Variants in KALRN observed in about 807,000 individuals in gnomAD.
KALRN encodes kalirin RhoGEF kinase.
Under a neutral mutation model 353.7 loss-of-function variants are expected in KALRN, and 70 were observed. The ratio of observed to expected loss-of-function variants is 0.20; its 90% CI spans 0.16 to 0.24. The LOEUF (loss-of-function observed/expected upper bound fraction) is 0.24. Among genes scored for constraint, KALRN ranks in the 10% least tolerant of loss-of-function variants. The probability of loss-of-function intolerance (pLI) is 1.00; values close to 1 mark genes in which losing one functional copy is unlikely to be tolerated. For missense variants in KALRN, 2,791 were observed against 3,756.7 expected, an observed-to-expected ratio of 0.74 and a Z score of 6.72; for synonymous variants, 1,391 against 1,434.8, an observed-to-expected ratio of 0.97 and a Z score of 0.69.
At chr3:124,674,210 A>G in intron 48 of KALRN, 154 bp from the exon 49 acceptor site, 1 of 642,868 alleles carries the variant, frequency 1.6e-6, no homozygotes, top group South Asian at 2.5e-5. Flanking sequence ...GAGCATGTTT[A>G]TTAATATCAT....
chr3:124,642,908 C>T (rs1395454044), intron 37 of KALRN, among the ~76,000 whole-genome samples: 1 of 150,232 alleles, frequency 6.7e-6, no homozygotes, highest in Non-Finnish European at 1.5e-5. Context: ...CCTCCGCCTC[C>T]CGGGTTCAAG....
intron 11 of KALRN, among the ~76,000 whole-genome samples, chr3:124,391,718 T>G (rs2089417411): frequency 1.3e-5 from 2 of 152,350 alleles, no homozygotes; most frequent in Middle Eastern, 3.4e-3. Context: ...GTGCTAAATC[T>G]CAGAGGTGCT....
At chr3:124,504,031 A>G (rs750215679) in intron 33 of KALRN, among the ~76,000 whole-genome samples, 23 of 152,224 alleles carry the variant, frequency 1.5e-4, no homozygotes, top group Non-Finnish European at 2.9e-4. Context: ...TGCTGAACAC[A>G]CGCAGCTTGC....
At chr3:124,109,843 A>G (rs11709583) in intron 1 of KALRN, among the ~76,000 whole-genome samples, 2 of 2,660 alleles carry the variant, frequency 7.5e-4, no homozygotes, top group Non-Finnish European at 8.7e-4. Context: ...TGACATATAT[A>G]TCATACTTTG....
chr3:124,330,246 T>TCACACACACACACACACACA (rs774251256), intron 8 of KALRN, among the ~76,000 whole-genome samples: 2 of 134,306 alleles, frequency 1.5e-5, no homozygotes, highest in Non-Finnish European at 3.2e-5. Context: ...TCTCTCTCTC[T>TCACACACACACACACACACA]CACACACACA....
chr3:124,078,796 G>C (rs1241327594), intron 1 of KALRN, among the ~76,000 whole-genome samples: 1 of 152,162 alleles, frequency 6.6e-6, no homozygotes, highest in Admixed American at 6.5e-5. Flanking sequence ...CTTAGTACTA[G>C]GTTTTCTGAA....
intron 1 of KALRN, among the ~76,000 whole-genome samples, chr3:124,053,031 T>C (rs1256196370): frequency 6.6e-6 from 1 of 152,154 alleles, no homozygotes; most frequent in Non-Finnish European, 1.5e-5. Flanking sequence ...TTTTATATTC[T>C]AGGATTTGGA....
At chr3:124,204,822 G>A (rs541031783) in intron 1 of KALRN, among the ~76,000 whole-genome samples, 35 of 152,128 alleles carry the variant, frequency 2.3e-4, no homozygotes, top group African/African-American at 4.3e-4. Context: ...GCTGTCCTCC[G>A]CACTGCTCCA....
At chr3:124,669,856 G>A (rs1188352406) in intron 47 of KALRN, among the ~76,000 whole-genome samples, 2 of 151,752 alleles carry the variant, frequency 1.3e-5, no homozygotes, top group African/African-American at 4.9e-5. Context: ...TAATGTACAT[G>A]CTATGTAAAT....
At chr3:124,509,478 G>A (rs1167363669) in intron 33 of KALRN, among the ~76,000 whole-genome samples, 1 of 152,190 alleles carries the variant, frequency 6.6e-6, no homozygotes, top group Non-Finnish European at 1.5e-5. Flanking sequence ...AAAGTGCTGG[G>A]ATTACAGGCA....
At chr3:124,466,828 C>T (rs1157781176) in intron 25 of KALRN, among the ~76,000 whole-genome samples, 2 of 152,170 alleles carry the variant, frequency 1.3e-5, no homozygotes, top group South Asian at 2.1e-4. Flanking sequence ...CTCCCTAGAC[C>T]ACCAATGGTG....
intron 1 of KALRN, among the ~76,000 whole-genome samples, chr3:124,118,352 TGAAG>T (rs2063651328): frequency 6.6e-6 from 1 of 152,114 alleles, no homozygotes; most frequent in African/African-American, 2.4e-5. Flanking sequence ...ATACTCCCTG[TGAAG>T]TAAACAGGGA....
rs150475873 is a variant in KALRN, at chr3:124,171,692, A to G, written c.74-56298A>G. Among the ~76,000 whole-genome samples the G allele has an allele frequency of 5.0e-3, 757 of 152,306 alleles. 1 individual carries two copies. The highest frequency in any genetic ancestry group is 0.024 in the Middle Eastern group (7 of 294). On this transcript the variant is annotated intron_variant, in intron 1 of 59. Transcript: ENST00000682506. ...GAAGGACTTGATTTGGCTATCTTAT[A>G]AACAACCTACCACAGAAGGACTTCT...
intron 17 of KALRN, among the ~76,000 whole-genome samples, chr3:124,437,102 T>C (rs2093492216): frequency 6.6e-6 from 1 of 151,440 alleles, no homozygotes; most frequent in African/African-American, 2.4e-5. Flanking sequence ...ACCTCAAGAT[T>C]GGTGACAGAT....
At chr3:124,625,809 G>A (rs1336437455) in intron 34 of KALRN, among the ~76,000 whole-genome samples, 2 of 152,158 alleles carry the variant, frequency 1.3e-5, no homozygotes, top group African/African-American at 2.4e-5. Context: ...GGCTGGGCAC[G>A]GTGGCTCACA....
At chr3:124,388,537 A>C (rs1056758198) in intron 11 of KALRN, among the ~76,000 whole-genome samples, 3 of 152,214 alleles carry the variant, frequency 2.0e-5, no homozygotes, top group African/African-American at 7.2e-5. Context: ...ATAAGTATTG[A>C]ATAAATGGGT....
intron 1 of KALRN, among the ~76,000 whole-genome samples, chr3:124,087,876 A>C (rs1226320705): frequency 1.3e-5 from 2 of 152,154 alleles, no homozygotes; most frequent in Non-Finnish European, 2.9e-5. Flanking sequence ...ACGTCTTTTA[A>C]AGAGTTAGGT....
At chr3:124,270,832 T>TTG (rs1560420990) in intron 5 of KALRN, among the ~76,000 whole-genome samples, 17 of 147,320 alleles carry the variant, frequency 1.2e-4, no homozygotes, top group African/African-American at 3.7e-4. Flanking sequence ...TTGTTTTTTT[T>TTG]TTTTTTTTTT....
chr3:124,225,292 A>G (rs1560282688), intron 1 of KALRN, among the ~76,000 whole-genome samples: 2 of 152,230 alleles, frequency 1.3e-5, no homozygotes, highest in Admixed American at 6.5e-5. Flanking sequence ...TTGGCAAGTG[A>G]AAAACTGATT....
Sources: allele counts gnomAD v4.1 joint callset (sites outside exome capture counted in the v4.1 genomes callset), GRCh38; gene constraint gnomAD v4.1.1; transcripts MANE v1.5; gene names NCBI Gene and HGNC (gene_info 2026-07-23, HGNC 2026-07-21).